Variants in ADGRG6 observed in about 807,000 individuals in gnomAD.
The protein encoded by ADGRG6 is adhesion G protein-coupled receptor G6, also known as G-protein coupled receptor 126.
Under a neutral mutation model 142.4 loss-of-function variants are expected in ADGRG6, and 84 were observed. That is an observed-to-expected ratio of 0.59 (90% CI 0.49 to 0.71). ADGRG6 has a LOEUF of 0.71. Among genes scored for constraint, ADGRG6 ranks in the 30% least tolerant of loss-of-function variants. The pLI is 0.00. For synonymous variants in ADGRG6, 521 were observed against 520.5 expected (o/e 1.00, Z -0.01); for missense variants, 1,367 against 1,466.6 (o/e 0.93, Z 1.11).
intron 2 of ADGRG6, among the ~76,000 whole-genome samples, chr6:142,350,115 C>A (rs760599558): frequency 1.3e-5 from 2 of 152,014 alleles, no homozygotes; most frequent in Non-Finnish European, 2.9e-5. Flanking sequence ...GAGTTTTTTT[C>A]ATCGATAATG....
intron 9 of ADGRG6, among the ~76,000 whole-genome samples, chr6:142,397,375 G>T (rs1775252654): frequency 6.6e-6 from 1 of 151,964 alleles, no homozygotes; most frequent in Non-Finnish European, 1.5e-5. Context: ...TTTCTGAAAA[G>T]AAATGGAGTT....
chr6:142,387,905 T>G (rs922129483), intron 6 of ADGRG6, among the ~76,000 whole-genome samples: 2 of 152,208 alleles, frequency 1.3e-5, no homozygotes, highest in Non-Finnish European at 2.9e-5. Flanking sequence ...TAATAAATTC[T>G]TTGGGCCTAG....
At chr6:142,378,391 C>A (rs1161658476) in intron 4 of ADGRG6, among the ~76,000 whole-genome samples, 2 of 152,160 alleles carry the variant, frequency 1.3e-5, no homozygotes, top group African/African-American at 4.8e-5. Context: ...TCCTCTATTG[C>A]ATGCTACAGA....
chr6:142,409,985 C>A, intron 17 of ADGRG6, 66 bp downstream of exon 17: 1 of 670,846 alleles, frequency 1.5e-6, no homozygotes, highest in Non-Finnish European at 2.5e-6. Flanking sequence ...TGTTAGACAC[C>A]CCCATTTCCT....
chr6:142,415,648 G>T, intron 19 of ADGRG6, 148 bp from the exon 20 acceptor site: 1 of 598,758 alleles, frequency 1.7e-6, no homozygotes, highest in Admixed American at 3.0e-5. Flanking sequence ...AATATCCTTA[G>T]CCCCTCCTTT....
chr6:142,384,121 G>A (rs780329499), intron 6 of ADGRG6, among the ~76,000 whole-genome samples: 1 of 152,058 alleles, frequency 6.6e-6, no homozygotes, highest in Non-Finnish European at 1.5e-5. Context: ...CATTTAATTA[G>A]AAGGCATTAA....
At chr6:142,392,232 G>A (rs1050369358) in intron 7 of ADGRG6, among the ~76,000 whole-genome samples, 3 of 151,864 alleles carry the variant, frequency 2.0e-5, no homozygotes, top group Admixed American at 6.6e-5. Context: ...GAGATGATAT[G>A]TAAATAGGAG....
chr6:142,403,780 G>T (rs1358478193), intron 13 of ADGRG6, 22 bp from the exon 14 acceptor site: 4 of 1,462,994 alleles, frequency 2.7e-6, no homozygotes, highest in South Asian at 2.5e-5. Flanking sequence ...CTTAATAGTG[G>T]CATTTTTTGT....
intron 2 of ADGRG6, among the ~76,000 whole-genome samples, chr6:142,326,564 AC>A (rs1402110560): frequency 1.3e-5 from 2 of 151,194 alleles, no homozygotes; most frequent in African/African-American, 4.9e-5. Context: ...GATGAGTGTC[AC>A]ACTGAATACC....
chr6:142,326,205 C>T (rs140571931), intron 2 of ADGRG6, among the ~76,000 whole-genome samples: 161 of 151,682 alleles, frequency 1.1e-3, no homozygotes, highest in Non-Finnish European at 1.9e-3. Context: ...TTCTACTTGA[C>T]TTTAAACACG....
At chr6:142,385,524 T>C (rs1781979052) in intron 6 of ADGRG6, among the ~76,000 whole-genome samples, 1 of 152,202 alleles carries the variant, frequency 6.6e-6, no homozygotes, top group South Asian at 2.1e-4. Flanking sequence ...CACTTTTTAA[T>C]GTAAACATTT....
chr6:142,438,049 A>G (rs1777571957), intron 23 of ADGRG6, 163 bp from the exon 24 acceptor site: 1 of 495,176 alleles, frequency 2.0e-6, no homozygotes. Context: ...GTAAGAAATT[A>G]TCAATATCCT....
At chr6:142,433,087 G>T (rs1285319849) in intron 22 of ADGRG6, among the ~76,000 whole-genome samples, 4 of 152,162 alleles carry the variant, frequency 2.6e-5, no homozygotes, top group Non-Finnish European at 2.9e-5. Flanking sequence ...TTAAACAATT[G>T]TTTAAGAATA....
Position 142,409,925 on chromosome 6 carries a change from T to C in ADGRG6, c.2434+6T>C. 7.3e-7 allele frequency: 1 copy of C among 1,366,984 alleles called. No homozygotes were observed. Among genetic ancestry groups the C allele is most frequent in the Non-Finnish European group, 1.0e-6 (1 of 974,590 alleles). The allele number at this position is 1,366,984 out of a possible 1,614,324, so 84.7% of individuals were successfully genotyped here. A position where few individuals can be genotyped will look rare whatever the true frequency, so the allele number is the denominator to read the frequency against. ...CTGGGATCTGAACAAAAACAGTAAGTTTTAAAATATTGGTTGTCTTAATAT... is the reference window on the plus strand; with the variant it reads ...CTGGGATCTGAACAAAAACAGTAAGCTTTAAAATATTGGTTGTCTTAATAT... On this transcript the variant is annotated splice_donor_region_variant and intron_variant, in intron 17 of 24. Transcript: ENST00000367609.
At chr6:142,359,393 C>T (rs1234779728) in intron 2 of ADGRG6, among the ~76,000 whole-genome samples, 1 of 152,082 alleles carries the variant, frequency 6.6e-6, no homozygotes, top group East Asian at 1.9e-4. Context: ...CCCCACTTTA[C>T]ACACGATGCT....
At position 142,434,390 on chromosome 6, in the gene ADGRG6, T is replaced by C. The variant is rs191732116; in HGVS notation, c.3320-3044T>C. Among the ~76,000 whole-genome samples the C allele has an allele frequency of 5.2e-4, 79 of 151,544 alleles. 1 individual carries two copies. Among genetic ancestry groups the C allele is most frequent in the African/African-American group, 1.8e-3 (75 of 41,546 alleles). ...CCCAGGATGGAGTGGAATGGCACGA[T>C]CTCGGCTCACTGCAACCTCCGCCTC... is the stretch of plus-strand genomic sequence containing the variant. On this transcript the variant is annotated intron_variant, in intron 22 of 24. Transcript: ENST00000367609.
At chr6:142,338,608 CTT>C (rs1246867560) in intron 2 of ADGRG6, among the ~76,000 whole-genome samples, 3 of 151,732 alleles carry the variant, frequency 2.0e-5, no homozygotes, top group African/African-American at 7.3e-5. Context: ...CTATAGAACT[CTT>C]AATATGTCTA....
chr6:142,428,953 A>G (rs188519989), intron 22 of ADGRG6, among the ~76,000 whole-genome samples: 61 of 152,298 alleles, frequency 4.0e-4, no homozygotes, highest in Admixed American at 5.9e-4. Context: ...TTACATGTCT[A>G]TCTGCTTTTG....
At chr6:142,439,934 C>T (rs2115207517) in intron 24 of ADGRG6, among the ~76,000 whole-genome samples, 2 of 152,168 alleles carry the variant, frequency 1.3e-5, no homozygotes, top group Middle Eastern at 3.4e-3. Flanking sequence ...CTTTATTTAA[C>T]CAAACTTAAA....
Sources: gnomAD v4.1 joint callset for allele counts (sites outside exome capture counted in the v4.1 genomes callset) on GRCh38, gnomAD v4.1.1 for gene constraint, MANE v1.5 for transcripts, NCBI Gene and HGNC (gene_info 2026-07-23, HGNC 2026-07-21) for gene names.